Variants in CDH11 observed in about 807,000 individuals in gnomAD.
CDH11 encodes cadherin-11.
CDH11 carries 11 observed loss-of-function variants against 67.8 expected under a neutral mutation model. The observed-to-expected ratio is 0.16, with a 90% CI of 0.10 to 0.27. The LOEUF (loss-of-function observed/expected upper bound fraction) is 0.27, where lower values mean the gene tolerates loss of function less well. Ranked by LOEUF, CDH11 falls within the 10% of genes least tolerant of loss-of-function variation. The pLI, the probability that CDH11 is intolerant of heterozygous loss-of-function variation, is 1.00. For synonymous variants in CDH11, 419 were observed against 400.0 expected (o/e 1.05, Z -0.57); for missense variants, 847 against 1,031.2 (o/e 0.82, Z 2.45).
In CDH11 at chr16:64,982,707, T is replaced by C. The variant is rs374779919; in HGVS notation, c.1000-406A>G. On this transcript the variant is annotated intron_variant, in intron 7 of 12. Transcript: ENST00000268603. ...CACTGAATTTCAGCCAAAAAGCATGTCTTGTTTGATGACTGCTTCATACCT... is the reference window on the plus strand; with the variant it reads ...CACTGAATTTCAGCCAAAAAGCATGCCTTGTTTGATGACTGCTTCATACCT... 29 of 173,128 alleles carry C rather than the reference T, an allele frequency of 1.7e-4. No homozygotes were observed. In the East Asian group the frequency reaches 2.4e-3, roughly 14 times the overall value. The allele number at this position is 173,128 out of a possible 1,614,324, so 10.7% of individuals were successfully genotyped here.
intron 8 of CDH11, among the ~76,000 whole-genome samples, chr16:64,978,054 TC>T (rs1026302159): frequency 1.3e-5 from 2 of 152,180 alleles, no homozygotes; most frequent in African/African-American, 4.8e-5. Context: ...ATTTACTTTT[TC>T]ATAAGTAAAT....
At chr16:65,120,836 C>T (rs776576566) in intron 1 of CDH11, among the ~76,000 whole-genome samples, 6 of 152,202 alleles carry the variant, frequency 3.9e-5, no homozygotes, top group Non-Finnish European at 8.8e-5. Context: ...CCGCAAGCCT[C>T]CCCCGACCCC....
At chr16:65,039,856 A>G (rs957758449) in intron 2 of CDH11, among the ~76,000 whole-genome samples, 6 of 152,312 alleles carry the variant, frequency 3.9e-5, no homozygotes, top group African/African-American at 1.4e-4. Flanking sequence ...ACTCAGACAG[A>G]TTTACAAGAA....
At chr16:65,049,545 A>T (rs2074020519) in intron 2 of CDH11, among the ~76,000 whole-genome samples, 1 of 152,224 alleles carries the variant, frequency 6.6e-6, no homozygotes. Context: ...ACCTGGTACA[A>T]GGGCATGCTC....
chr16:64,986,627 TCA>T (rs2072493687), intron 7 of CDH11: 1 of 151,942 alleles, frequency 6.6e-6, no homozygotes, highest in Non-Finnish European at 1.5e-5. Flanking sequence ...AACACACAAT[TCA>T]CACAGCTACT....
At chr16:65,063,031 C>T (rs541745458) in intron 1 of CDH11, among the ~76,000 whole-genome samples, 3 of 152,290 alleles carry the variant, frequency 2.0e-5, no homozygotes, top group South Asian at 2.1e-4. Context: ...TTCAGTTTCG[C>T]GTTTGCTGGA....
At chr16:65,104,416 A>C (rs758206658) in intron 1 of CDH11, among the ~76,000 whole-genome samples, 9 of 152,198 alleles carry the variant, frequency 5.9e-5, no homozygotes, top group Non-Finnish European at 1.0e-4. Context: ...CTTTCTCTCT[A>C]TAGAGCAGAA....
chr16:65,086,444 C>T (rs1272786968), intron 1 of CDH11, among the ~76,000 whole-genome samples: 1 of 152,186 alleles, frequency 6.6e-6, no homozygotes, highest in African/African-American at 2.4e-5. Context: ...CCAGAAAGCA[C>T]ACTGTGAAAG....
intron 4 of CDH11, among the ~76,000 whole-genome samples, chr16:64,995,783 G>T (rs1426632267): frequency 6.6e-6 from 1 of 151,970 alleles, no homozygotes; most frequent in Non-Finnish European, 1.5e-5. Flanking sequence ...CACAACAAAG[G>T]GAAACTATAA....
intron 2 of CDH11, among the ~76,000 whole-genome samples, chr16:65,045,600 C>G (rs539530160): frequency 2.0e-5 from 3 of 151,742 alleles, no homozygotes; most frequent in Non-Finnish European, 4.4e-5. Flanking sequence ...TATCTAATTG[C>G]CTTGAGCTCT....
chr16:65,013,826 C>CAA (rs1055538395), intron 2 of CDH11, among the ~76,000 whole-genome samples: 1 of 126,668 alleles, frequency 7.9e-6, no homozygotes, highest in Non-Finnish European at 1.7e-5. Context: ...GACTCCATCT[C>CAA]AAAAAAAAAA....
intron 2 of CDH11, among the ~76,000 whole-genome samples, chr16:65,023,609 T>C (rs1028691994): frequency 9.2e-5 from 14 of 152,186 alleles, no homozygotes; most frequent in African/African-American, 3.4e-4. Flanking sequence ...GTGTATGTTA[T>C]TTCTTCATTT....
chr16:65,114,959 C>A (rs766124572), intron 1 of CDH11, among the ~76,000 whole-genome samples: 1 of 152,186 alleles, frequency 6.6e-6, no homozygotes, highest in Non-Finnish European at 1.5e-5. Flanking sequence ...AAACCCCTTA[C>A]AATCCCAAAC....
chr16:65,111,938 C>T lies in CDH11; in HGVS notation c.-298+9942G>A, dbSNP rs7192332. ...TACAAAAATTAGCCGGGTGTGGTGGCGCACTCCTGTAATCCCAGCTACTCA... is the reference window on the plus strand; with the variant it reads ...TACAAAAATTAGCCGGGTGTGGTGGTGCACTCCTGTAATCCCAGCTACTCA... On this transcript the variant is annotated intron_variant, in intron 1 of 12. Transcript: ENST00000268603. Among the ~76,000 whole-genome samples the T allele has an allele frequency of 4.0e-3, 609 of 151,714 alleles. 6 individuals are homozygous for T. The highest frequency in any genetic ancestry group is 0.014 in the African/African-American group (575 of 41,352).
intron 8 of CDH11, 105 bp downstream of exon 8, chr16:64,981,943 T>C (rs1414879703): frequency 1.0e-6 from 1 of 992,282 alleles, no homozygotes; most frequent in African/African-American, 1.6e-5. Context: ...CCTGATAAAC[T>C]TGAACCCTTT....
chr16:64,981,909 T>G, intron 8 of CDH11, 139 bp downstream of exon 8: 1 of 721,096 alleles, frequency 1.4e-6, no homozygotes, highest in Non-Finnish European at 2.3e-6. Flanking sequence ...TTCTAAATCT[T>G]AATCTTGTTT....
chr16:64,946,534 T>C lies in CDH11; in HGVS notation c.*1069A>G. 9.7e-7 allele frequency: 1 copy of C among 1,031,402 alleles called. No homozygotes were observed. Among genetic ancestry groups the C allele is most frequent in the Non-Finnish European group, 1.2e-6 (1 of 857,560 alleles). 63.9% of individuals were successfully genotyped at this position (1,031,402 alleles called of 1,614,324 possible). Reference sequence around the variant, plus strand: ...TTTCACATCCTTCTTTTTTAGAAGATGTGTGTGAAGAGAAGCCAGGAGGTT... The same window carrying C: ...TTTCACATCCTTCTTTTTTAGAAGACGTGTGTGAAGAGAAGCCAGGAGGTT... On this transcript the variant is annotated 3_prime_UTR_variant, in exon 13 of 13. Coordinates refer to ENST00000268603, the MANE Select transcript of CDH11 (RefSeq NM_001797.4).
At chr16:64,968,990 T>C (rs1005179688) in intron 11 of CDH11, among the ~76,000 whole-genome samples, 4 of 152,220 alleles carry the variant, frequency 2.6e-5, no homozygotes, top group African/African-American at 2.4e-5. Context: ...ATTAACTGTT[T>C]GCCATAGTTA....
chr16:64,964,770 G>A (rs1204301585), intron 11 of CDH11, among the ~76,000 whole-genome samples: 2 of 151,918 alleles, frequency 1.3e-5, no homozygotes, highest in African/African-American at 2.4e-5. Flanking sequence ...GGATGGTCTC[G>A]ATTTCCTGAC....
Sources: gnomAD v4.1 joint callset for allele counts (sites outside exome capture counted in the v4.1 genomes callset) on GRCh38, gnomAD v4.1.1 for gene constraint, MANE v1.5 for transcripts, NCBI Gene and HGNC (gene_info 2026-07-23, HGNC 2026-07-21) for gene names.